The following LRRTM4 variants were observed in gnomAD, a reference collection of about 807,000 sequenced individuals.
LRRTM4 encodes leucine-rich repeat transmembrane neuronal protein 4.
A neutral mutation model predicts 47.6 loss-of-function variants in LRRTM4; 25 were observed. That is an observed-to-expected ratio of 0.53 (90% CI 0.38 to 0.73). The LOEUF (loss-of-function observed/expected upper bound fraction) is 0.73, where lower values mean the gene tolerates loss of function less well. LRRTM4 is among the 30% of genes least tolerant of loss of function. The probability of loss-of-function intolerance (pLI) is 0.00; values close to 1 mark genes in which losing one functional copy is unlikely to be tolerated. For synonymous variants in LRRTM4, 311 were observed against 269.5 expected, an observed-to-expected ratio of 1.15 and a Z score of -1.51; for missense variants, 638 against 713.4, an observed-to-expected ratio of 0.89 and a Z score of 1.20.
At chr2:76,990,351 G>A (rs1415687770) in intron 3 of LRRTM4, among the ~76,000 whole-genome samples, 3 of 151,614 alleles carry the variant, frequency 2.0e-5, no homozygotes, top group Non-Finnish European at 4.4e-5. Flanking sequence ...TCACTTAAAA[G>A]GTACAGAGTA....
intron 3 of LRRTM4, among the ~76,000 whole-genome samples, chr2:76,801,611 A>C (rs536681105): frequency 1.2e-4 from 18 of 152,036 alleles, no homozygotes; most frequent in Admixed American, 2.0e-4. Flanking sequence ...ACATATATAC[A>C]TATGTGACTA....
chr2:77,314,615 C>A (rs1677564892), intron 3 of LRRTM4, among the ~76,000 whole-genome samples: 1 of 152,128 alleles, frequency 6.6e-6, no homozygotes, highest in African/African-American at 2.4e-5. Flanking sequence ...AACTTAATAT[C>A]TCTGTGATTA....
intron 3 of LRRTM4, among the ~76,000 whole-genome samples, chr2:77,158,984 TC>T (rs144853948): frequency 1.1e-3 from 168 of 152,318 alleles, no homozygotes; most frequent in African/African-American, 3.8e-3. Flanking sequence ...TTGTTATATT[TC>T]CCCATAACAT....
intron 3 of LRRTM4, among the ~76,000 whole-genome samples, chr2:76,947,133 C>T (rs770239980): frequency 3.3e-4 from 50 of 151,748 alleles, no homozygotes; most frequent in Non-Finnish European, 7.4e-4. Flanking sequence ...GTTAAGTGCC[C>T]TTGTCAACTG....
intron 3 of LRRTM4, among the ~76,000 whole-genome samples, chr2:76,846,603 A>G (rs931549543): frequency 6.7e-6 from 1 of 148,940 alleles, no homozygotes; most frequent in African/African-American, 2.6e-5. Context: ...AAATAAAGAG[A>G]AACACTCACT....
At chr2:76,958,207 C>A (rs114430338) in intron 3 of LRRTM4, among the ~76,000 whole-genome samples, 4 of 151,722 alleles carry the variant, frequency 2.6e-5, no homozygotes, top group African/African-American at 9.7e-5. Context: ...GGCAGAGGGC[C>A]ATGTCATCAT....
intron 3 of LRRTM4, among the ~76,000 whole-genome samples, chr2:76,904,879 C>T (rs1673769740): frequency 6.6e-6 from 1 of 152,168 alleles, no homozygotes; most frequent in African/African-American, 2.4e-5. Flanking sequence ...AGGCATCATT[C>T]TTGGGGGAGG....
intron 3 of LRRTM4, chr2:77,009,789 T>G: frequency 6.6e-6 from 1 of 152,084 alleles, no homozygotes; most frequent in East Asian, 1.9e-4. Context: ...TTCATGCCTC[T>G]TATTACAGTG....
At chr2:77,160,823 T>C (rs1172410189) in intron 3 of LRRTM4, among the ~76,000 whole-genome samples, 1 of 152,174 alleles carries the variant, frequency 6.6e-6, no homozygotes, top group Non-Finnish European at 1.5e-5. Flanking sequence ...GTTAGGTGCC[T>C]GAATTTTGCT....
At chr2:77,391,009 C>A (rs1317614683) in intron 3 of LRRTM4, among the ~76,000 whole-genome samples, 1 of 151,756 alleles carries the variant, frequency 6.6e-6, no homozygotes, top group African/African-American at 2.4e-5. Flanking sequence ...GAACTTCAGA[C>A]AATGAAAAGG....
At chr2:77,133,480 G>T (rs915380948) in intron 3 of LRRTM4, among the ~76,000 whole-genome samples, 1 of 152,126 alleles carries the variant, frequency 6.6e-6, no homozygotes, top group Non-Finnish European at 1.5e-5. Context: ...ATAAGAATGA[G>T]TTACTTCAAG....
At chr2:77,049,116 C>T (rs1295379105) in intron 3 of LRRTM4, among the ~76,000 whole-genome samples, 7 of 63,568 alleles carry the variant, frequency 1.1e-4, no homozygotes, top group African/African-American at 4.1e-4. Flanking sequence ...AATAATATTT[C>T]ATTTTTTATA....
chr2:76,815,576 CAT>C (rs1670875312), intron 3 of LRRTM4, among the ~76,000 whole-genome samples: 1 of 151,998 alleles, frequency 6.6e-6, no homozygotes, highest in Non-Finnish European at 1.5e-5. Flanking sequence ...AAGGCAAAGT[CAT>C]AGTTGTAGTA....
At chr2:77,014,445 G>A (rs1363844123) in intron 3 of LRRTM4, among the ~76,000 whole-genome samples, 2 of 150,940 alleles carry the variant, frequency 1.3e-5, no homozygotes, top group Non-Finnish European at 3.0e-5. Flanking sequence ...TTGTCCCATG[G>A]TTTATATGAT....
At chr2:77,515,274 T>C (rs1372082377) in intron 3 of LRRTM4, among the ~76,000 whole-genome samples, 3 of 151,930 alleles carry the variant, frequency 2.0e-5, no homozygotes, top group Non-Finnish European at 4.4e-5. Flanking sequence ...GAATGGTATG[T>C]GCACACAGAC....
chr2:77,494,245 A>G (rs926429423), intron 3 of LRRTM4, among the ~76,000 whole-genome samples: 76 of 152,174 alleles, frequency 5.0e-4, no homozygotes, highest in African/African-American at 1.8e-3. Context: ...AATGTAAAAG[A>G]GCAAAAAGAA....
chr2:77,452,349 T>C (rs1676289779), intron 3 of LRRTM4, among the ~76,000 whole-genome samples: 1 of 152,024 alleles, frequency 6.6e-6, no homozygotes, highest in African/African-American at 2.4e-5. Flanking sequence ...TGCTGATGGA[T>C]TGGATGCGGG....
At chr2:76,781,035 T>C in intron 3 of LRRTM4, among the ~76,000 whole-genome samples, 1 of 152,204 alleles carries the variant, frequency 6.6e-6, no homozygotes, top group African/African-American at 2.4e-5. Context: ...GGTGTCAGTG[T>C]GCCCGTGCTT....
At chr2:77,398,801 G>A (rs1673816067) in intron 3 of LRRTM4, among the ~76,000 whole-genome samples, 1 of 151,752 alleles carries the variant, frequency 6.6e-6, no homozygotes, top group African/African-American at 2.4e-5. Context: ...AACAATGTGT[G>A]TTTGCAGTTC....
Sources: gnomAD v4.1 joint callset for allele counts (sites outside exome capture counted in the v4.1 genomes callset) on GRCh38, gnomAD v4.1.1 for gene constraint, MANE v1.5 for transcripts, NCBI Gene and HGNC (gene_info 2026-07-23, HGNC 2026-07-21) for gene names.